MCF2: variants seen among roughly 807,000 people sequenced by gnomAD.
MCF2 encodes proto-oncogene DBL.
A neutral mutation model predicts 82.5 loss-of-function variants in MCF2; 44 were observed. That is an observed-to-expected ratio of 0.53 (90% CI 0.42 to 0.69). MCF2 has a LOEUF of 0.69. Among genes scored for constraint, MCF2 ranks in the 30% least tolerant of loss-of-function variants. The pLI is 0.00. For synonymous variants in MCF2, 217 were observed against 224.9 expected (o/e 0.96, Z 0.32); for missense variants, 623 against 663.1 (o/e 0.94, Z 0.66).
chrX:139,603,644 G>A (rs1004632720), intron 15 of MCF2, among the ~76,000 whole-genome samples: 13 of 111,434 alleles, frequency 1.2e-4, no homozygotes, highest in African/African-American at 4.2e-4. Context: ...GACCATCCTC[G>A]CTAACACGGT....
At chrX:139,642,869 C>T in exon 1 of MCF2, 1 of 888,956 alleles carries the variant, frequency 1.1e-6, no homozygotes, top group African/African-American at 2.1e-5. Context: ...GAAAAAAAAA[C>T]CAGCTCTCTT....
intron 2 of MCF2, among the ~76,000 whole-genome samples, chrX:139,649,418 A>G (rs1194475734): frequency 8.9e-6 from 1 of 111,833 alleles, no homozygotes; most frequent in Non-Finnish European, 1.9e-5. Flanking sequence ...AGAACTAGTA[A>G]TATAAATGAT....
At chrX:139,602,822 G>A (rs1930670000) in intron 15 of MCF2, among the ~76,000 whole-genome samples, 1 of 112,130 alleles carries the variant, frequency 8.9e-6, no homozygotes, top group African/African-American at 3.2e-5. Context: ...AATATATTCT[G>A]TTATTAGTCT....
intron 15 of MCF2, among the ~76,000 whole-genome samples, chrX:139,602,743 T>C (rs1930663973): frequency 8.9e-6 from 1 of 112,294 alleles, no homozygotes; most frequent in African/African-American, 3.2e-5. Flanking sequence ...GAGGCTTAGA[T>C]GGAGGCTTCT....
chrX:139,630,026 C>T (rs1425131712), intron 3 of MCF2, among the ~76,000 whole-genome samples, 182 bp from the exon 7 acceptor site: 1 of 111,651 alleles, frequency 9.0e-6, no homozygotes, highest in Non-Finnish European at 1.9e-5. Context: ...TCATCTAAAA[C>T]TCTAAGAAAC....
At chrX:139,701,244 C>T (rs1935490649) in intron 1 of MCF2, among the ~76,000 whole-genome samples, 1 of 111,767 alleles carries the variant, frequency 8.9e-6, no homozygotes, top group Admixed American at 9.5e-5. Flanking sequence ...TAGATCTCAC[C>T]CTTAAATATG....
chrX:139,661,616 A>C (rs1934357270), intron 1 of MCF2, among the ~76,000 whole-genome samples: 1 of 111,626 alleles, frequency 9.0e-6, no homozygotes, highest in Non-Finnish European at 1.9e-5. Context: ...CTTGTCCTGA[A>C]TACTATTCTA....
rs73634054 is a variant in MCF2, at chrX:139,615,057, G to C, written c.1192-5C>G. ...TTGTATAGTCTTCATTTGAACCTGC[G>C]AGTTGTATAAGAATTATAGGAAATA... On this transcript the variant is annotated splice_region_variant and splice_polypyrimidine_tract_variant and intron_variant, in intron 9 of 24. Transcript: ENST00000370576. The C allele has an allele frequency of 5.0e-5, 59 of 1,183,296 alleles. No individual in the cohort carries two copies. The highest frequency in any genetic ancestry group is 6.4e-5 in the Non-Finnish European group (56 of 874,432).
Position 139,587,789 on chromosome X carries a change from C to T in MCF2, c.2450-1G>A. ...TGATCCTGTTGCTTTCTTTTTTTAA[C>T]TGAGAAATAAAACAAAGCATATTAT... is the stretch of plus-strand genomic sequence containing the variant. On this transcript the variant is annotated splice_acceptor_variant, in intron 21 of 24. Transcript: ENST00000370576. LOFTEE classifies it high-confidence loss of function. 1 of 1,155,748 alleles carries T rather than the reference C, an allele frequency of 8.7e-7. No individual in the cohort carries two copies. The highest frequency in any genetic ancestry group is 1.2e-6 in the Non-Finnish European group (1 of 847,845).
intron 19 of MCF2, among the ~76,000 whole-genome samples, chrX:139,594,315 A>T: frequency 9.0e-6 from 1 of 111,402 alleles, no homozygotes; most frequent in Non-Finnish European, 1.9e-5. Context: ...ACGCTACCTG[A>T]CTTCAAACTA....
In MCF2 at chrX:139,625,242, C is replaced by T. The variant is rs6634093; in HGVS notation, c.687+951G>A. Reference sequence around the variant, plus strand: ...ACAGGACAAGAATTTGGTATGCATGCAAATTAATATGTAAGTATAAGCATA... The same window carrying T: ...ACAGGACAAGAATTTGGTATGCATGTAAATTAATATGTAAGTATAAGCATA... On this transcript the variant is annotated intron_variant, in intron 6 of 24. Transcript: ENST00000370576. 6.4e-3 allele frequency among the ~76,000 whole-genome samples: 710 copies of T among 110,867 alleles called. 5 individuals carry two copies. The highest frequency in any genetic ancestry group is 0.022 in the African/African-American group (662 of 30,495).
intron 21 of MCF2, among the ~76,000 whole-genome samples, 197 bp from the exon 26 acceptor site, chrX:139,587,985 T>G (rs1282928222): frequency 9.0e-6 from 1 of 110,585 alleles, no homozygotes; most frequent in Non-Finnish European, 1.9e-5. Context: ...CTGGACCATA[T>G]AATATTTTAT....
chrX:139,582,575 TC>T (rs34371673), intron 24 of MCF2, 72 bp from the exon 29 acceptor site: 1 of 777,210 alleles, frequency 1.3e-6, no homozygotes, highest in South Asian at 2.4e-5. Flanking sequence ...AGCAGGTCAT[TC>T]CAGCTTCTTG....
At chrX:139,590,626 T>C (rs1929431310) in intron 19 of MCF2, among the ~76,000 whole-genome samples, 1 of 111,428 alleles carries the variant, frequency 9.0e-6, no homozygotes, top group Non-Finnish European at 1.9e-5. Context: ...TTTTCTTTCA[T>C]CATTTTCTGC....
chrX:139,689,792 C>A (rs1263347988), intron 1 of MCF2, among the ~76,000 whole-genome samples: 1 of 110,075 alleles, frequency 9.1e-6, no homozygotes, highest in Non-Finnish European at 1.9e-5. Flanking sequence ...TCCCCTAACT[C>A]CCTAAGTGAA....
chrX:139,596,876 A>G (rs374834108), intron 18 of MCF2, 106 bp from the exon 23 acceptor site: 19 of 540,714 alleles, frequency 3.5e-5, no homozygotes, highest in East Asian at 1.4e-4. Flanking sequence ...CTGAAGAATA[A>G]TTTATGTTTT....
upstream of MCF2, among the ~76,000 whole-genome samples, chrX:139,644,085 C>T (rs1174151366): frequency 8.9e-6 from 1 of 112,025 alleles, no homozygotes; most frequent in African/African-American, 3.2e-5. Context: ...TTTATTTAGC[C>T]CCACTGATAA....
At chrX:139,644,680 G>C (rs953505951), upstream of MCF2, among the ~76,000 whole-genome samples, 5 of 112,278 alleles carry the variant, frequency 4.5e-5, no homozygotes, top group African/African-American at 1.3e-4. Flanking sequence ...TTTTTGTTTT[G>C]CCTTTGCAAC....
At chrX:139,674,637 G>A (rs1357859707) in intron 1 of MCF2, among the ~76,000 whole-genome samples, 3 of 112,081 alleles carry the variant, frequency 2.7e-5, no homozygotes, top group Non-Finnish European at 5.6e-5. Context: ...CTTTAAGTAT[G>A]TTGAATATTG....
Sources: allele counts gnomAD v4.1 joint callset (sites outside exome capture counted in the v4.1 genomes callset), GRCh38; gene constraint gnomAD v4.1.1; transcripts MANE v1.5; gene names NCBI Gene and HGNC (gene_info 2026-07-23, HGNC 2026-07-21).